Variants in IGFL4 observed in about 807,000 individuals in gnomAD.
IGFL4 encodes IGF like family member 4, also known as insulin growth factor-like family member 4.
IGFL4 carries 12 observed loss-of-function variants against 15.4 expected under a neutral mutation model. That is an observed-to-expected ratio of 0.78 (90% confidence interval 0.50 to 1.26). The LOEUF is 1.26. IGFL4 is among the 50% of genes most tolerant of loss of function. IGFL4 has a pLI of 0.00. For missense variants in IGFL4, 126 were observed against 147.8 expected, an observed-to-expected ratio of 0.85 and a Z score of 0.76; for synonymous variants, 54 against 55.9, an observed-to-expected ratio of 0.97 and a Z score of 0.16.
rs549458866 is a variant in IGFL4 at position 46,064,737 on chromosome 19, T to C, written c.-431-4444A>G. Among the ~76,000 whole-genome samples, 10 of 152,356 alleles carry C rather than the reference T, an allele frequency of 6.6e-5. 1 individual carries two copies. The highest frequency in any genetic ancestry group is 4.1e-4 in the South Asian group (2 of 4,826). On this transcript the variant is annotated intron_variant, in intron 1 of 5. Transcript: ENST00000601672. ...GGTTGTTTCCAAATTTTGGCTATTA[T>C]GAACAGTGCTACAACAAATATGGAA... is the stretch of plus-strand genomic sequence containing the variant.
At chr19:46,052,732 A>AG (rs1969356723) in intron 2 of IGFL4, among the ~76,000 whole-genome samples, 1 of 151,922 alleles carries the variant, frequency 6.6e-6, no homozygotes. Flanking sequence ...AAAAAAAAAA[A>AG]AAGTATATTA....
chr19:46,044,515 C>T (rs1969279250), upstream of IGFL4, among the ~76,000 whole-genome samples: 1 of 151,974 alleles, frequency 6.6e-6, no homozygotes, highest in South Asian at 2.1e-4. Context: ...GTGGGGGTGT[C>T]GTGGGGGCAG....
chr19:46,065,002 A>G (rs1969481201), intron 1 of IGFL4, among the ~76,000 whole-genome samples: 1 of 152,028 alleles, frequency 6.6e-6, no homozygotes, highest in Admixed American at 6.5e-5. Context: ...GTGAGATGAT[A>G]TCTCATTGCA....
intron 2 of IGFL4, among the ~76,000 whole-genome samples, chr19:46,052,379 C>T (rs1443141291): frequency 6.6e-6 from 1 of 152,120 alleles, no homozygotes; most frequent in Non-Finnish European, 1.5e-5. Flanking sequence ...ATTAAATAAC[C>T]TGCTCCTGAG....
upstream of IGFL4, among the ~76,000 whole-genome samples, chr19:46,043,820 T>A (rs546070364): frequency 6.6e-6 from 1 of 152,140 alleles, no homozygotes; most frequent in South Asian, 2.1e-4. Context: ...AGTTAAACTA[T>A]ACATTTTCTA....
chr19:46,069,854 T>C (rs1221215193), intron 1 of IGFL4, among the ~76,000 whole-genome samples: 1 of 152,202 alleles, frequency 6.6e-6, no homozygotes, highest in Non-Finnish European at 1.5e-5. Flanking sequence ...GCCATATGCA[T>C]AGGGAAAAAT....
chr19:46,067,459 C>T (rs1969505871), intron 1 of IGFL4, among the ~76,000 whole-genome samples: 1 of 152,108 alleles, frequency 6.6e-6, no homozygotes, highest in Non-Finnish European at 1.5e-5. Flanking sequence ...AATAGTGCCC[C>T]TACCCCGATG....
intron 1 of IGFL4, among the ~76,000 whole-genome samples, chr19:46,070,449 C>T (rs1214515819): frequency 6.6e-6 from 1 of 151,798 alleles, no homozygotes; most frequent in African/African-American, 2.4e-5. Flanking sequence ...TATTTTCTTT[C>T]TTCTGCATGC....
chr19:46,070,461 C>T (rs983963325), intron 1 of IGFL4, among the ~76,000 whole-genome samples: 10 of 151,728 alleles, frequency 6.6e-5, no homozygotes, highest in African/African-American at 2.4e-4. Context: ...TCTGCATGCT[C>T]ACAATACCAA....
intron 2 of IGFL4, among the ~76,000 whole-genome samples, chr19:46,046,164 C>T (rs1425957564): frequency 6.6e-6 from 1 of 152,086 alleles, no homozygotes; most frequent in East Asian, 1.9e-4. Context: ...CCAAACTAAG[C>T]TTCATAAGTG....
upstream of IGFL4, among the ~76,000 whole-genome samples, chr19:46,041,449 GT>G (rs1969242207): frequency 6.6e-6 from 1 of 152,176 alleles, no homozygotes; most frequent in South Asian, 2.1e-4. Flanking sequence ...ATTTTTCAGA[GT>G]CACGTAGGAG....
chr19:46,056,925 G>C lies in IGFL4; in HGVS notation c.-323+3260C>G, dbSNP rs138357957. 4.9e-3 allele frequency among the ~76,000 whole-genome samples: 745 copies of C among 152,218 alleles called. 12 individuals carry two copies. Among genetic ancestry groups the C allele is most frequent in the African/African-American group, 0.017 (711 of 41,518 alleles). On this transcript the variant is annotated intron_variant, in intron 2 of 5. Coordinates refer to the IGFL4 transcript ENST00000601672. ...CCCTCTTCTCTCCCTATACACCCCA[G>C]TCACTCACTTTTGATCATGTGCACC...
chr19:46,043,473 G>T (rs1969266267), upstream of IGFL4, among the ~76,000 whole-genome samples: 2 of 152,118 alleles, frequency 1.3e-5, no homozygotes, highest in South Asian at 4.1e-4. Context: ...AAAGGCAGTG[G>T]AAACAAGAAT....
At chr19:46,071,987 C>T (rs746250179) in intron 1 of IGFL4, among the ~76,000 whole-genome samples, 1 of 152,218 alleles carries the variant, frequency 6.6e-6, no homozygotes, top group Non-Finnish European at 1.5e-5. Flanking sequence ...GACACCACTG[C>T]ATTCTAGCCT....
rs201920109 is a variant in IGFL4, at chr19:46,040,963, G to A, written c.-1C>T. ...CCTTACCAGAAATTCTGGGCACCAT[G>A]GGTTAGGCTTCAGAGCAGCGGACGA... On this transcript the variant is annotated 5_prime_UTR_variant, in exon 1 of 4. Transcript: ENST00000377697. This position sits in a 1 kb window ranked among gnomAD's most constrained non-coding sequence, Gnocchi z 4.1. The A allele has an allele frequency of 1.9e-5, 30 of 1,590,238 alleles. No homozygotes were observed. The East Asian group carries it at 6.7e-4, about 36-fold the overall frequency.
intron 2 of IGFL4, among the ~76,000 whole-genome samples, chr19:46,050,817 G>A (rs921275449): frequency 2.0e-5 from 3 of 152,110 alleles, no homozygotes; most frequent in African/African-American, 4.8e-5. Context: ...GAAGCTCAAC[G>A]GACACCTGGG....
chr19:46,073,278 A>G (rs2146531103), intron 1 of IGFL4, among the ~76,000 whole-genome samples: 1 of 152,318 alleles, frequency 6.6e-6, no homozygotes, highest in Non-Finnish European at 1.5e-5. Flanking sequence ...TACTATCATG[A>G]TAGTGATAGT....
rs139668333 is a variant in IGFL4 at position 46,052,537 on chromosome 19, C to T, written c.-323+7648G>A. Among the ~76,000 whole-genome samples, 1,399 of 152,158 alleles carry T rather than the reference C, an allele frequency of 9.2e-3. 12 individuals carry two copies. Among genetic ancestry groups the T allele is most frequent in the Middle Eastern group, 0.027 (8 of 294 alleles). ...ATCAAAAAAGTCTGAGCCTGGCCAA[C>T]ATGGTGAAACCCCATCTCTACTAAA... is the stretch of plus-strand genomic sequence containing the variant. On this transcript the variant is annotated intron_variant, in intron 2 of 5. Transcript: ENST00000601672.
chr19:46,051,880 A>G (rs1255616118), intron 2 of IGFL4, among the ~76,000 whole-genome samples: 5 of 152,224 alleles, frequency 3.3e-5, no homozygotes, highest in Non-Finnish European at 7.3e-5. Flanking sequence ...AGCAGTTAAA[A>G]AAGACAAAAA....
Sources: allele counts gnomAD v4.1 joint callset (sites outside exome capture counted in the v4.1 genomes callset), GRCh38; gene constraint gnomAD v4.1.1; non-coding constraint Gnocchi (gnomAD v3.1); transcripts MANE v1.5; gene names NCBI Gene and HGNC (gene_info 2026-07-23, HGNC 2026-07-21).